The following AAK1 variants were observed in gnomAD, a reference collection of about 807,000 sequenced individuals.
The protein encoded by AAK1 is AP2-associated protein kinase 1.
Under a neutral mutation model 116.0 loss-of-function variants are expected in AAK1, and 37 were observed. The ratio of observed to expected loss-of-function variants is 0.32; its 90% CI spans 0.25 to 0.42. The LOEUF is 0.42. Ranked by LOEUF, AAK1 falls within the 10% of genes least tolerant of loss-of-function variation. The pLI, the probability that AAK1 is intolerant of heterozygous loss-of-function variation, is 1.00. For synonymous variants in AAK1, 458 were observed against 439.9 expected, an observed-to-expected ratio of 1.04 and a Z score of -0.51; for missense variants, 919 against 1,170.6, an observed-to-expected ratio of 0.79 and a Z score of 3.14.
chr2:69,528,468 T>A (rs542751254), intron 8 of AAK1, among the ~76,000 whole-genome samples: 1 of 152,198 alleles, frequency 6.6e-6, no homozygotes, highest in African/African-American at 2.4e-5. Flanking sequence ...GTGACAGTGA[T>A]GTTCATATAA....
intron 19 of AAK1, among the ~76,000 whole-genome samples, chr2:69,479,363 T>C (rs1674996183): frequency 6.6e-6 from 1 of 152,202 alleles, no homozygotes; most frequent in African/African-American, 2.4e-5. Context: ...TAGAAACATG[T>C]CTTTCTAGAT....
At position 69,466,566 on chromosome 2, in the gene AAK1, A is replaced by C; in HGVS notation, c.*9303T>G. On this transcript the variant is annotated 3_prime_UTR_variant, in exon 22 of 22. Coordinates refer to ENST00000409085, the MANE Select transcript of AAK1 (RefSeq NM_014911.5). Reference sequence around the variant, plus strand: ...CCTCTGGAGATCTAGAAAAGCATAAAATGCAGAATTAATGTGTAGGTCAAT... The same window carrying C: ...CCTCTGGAGATCTAGAAAAGCATAACATGCAGAATTAATGTGTAGGTCAAT... 1 of 1,179,630 alleles carries C rather than the reference A, an allele frequency of 8.5e-7. No individual in the cohort carries two copies. Among genetic ancestry groups the C allele is most frequent in the Non-Finnish European group, 1.1e-6 (1 of 934,728 alleles). 73.1% of individuals were successfully genotyped at this position (1,179,630 alleles called of 1,614,324 possible).
Position 69,460,976 on chromosome 2 carries a change from C to A in AAK1, c.*14893G>T, listed in dbSNP as rs1035908495. ...AGGTCACAACTTCTATGTTCCCTATCAAATGTGTAAAGCAAAAACACAACA... is the reference window on the plus strand; with the variant it reads ...AGGTCACAACTTCTATGTTCCCTATAAAATGTGTAAAGCAAAAACACAACA... On this transcript the variant is annotated 3_prime_UTR_variant, in exon 22 of 22. Coordinates refer to ENST00000409085, the MANE Select transcript of AAK1 (RefSeq NM_014911.5). The A allele has an allele frequency of 6.6e-6, 1 of 152,146 alleles. No individual in the cohort carries two copies. The highest frequency in any genetic ancestry group is 1.5e-5 in the Non-Finnish European group (1 of 68,016). 9.4% of individuals were successfully genotyped at this position (152,146 alleles called of 1,614,324 possible).
chr2:69,507,237 G>A (rs1438952885), intron 15 of AAK1, among the ~76,000 whole-genome samples, 184 bp downstream of exon 15: 1 of 152,060 alleles, frequency 6.6e-6, no homozygotes, highest in Non-Finnish European at 1.5e-5. Flanking sequence ...AGGACTTCAG[G>A]GCCCATGGTA....
intron 2 of AAK1, among the ~76,000 whole-genome samples, chr2:69,592,689 A>C (rs1293480253): frequency 1.3e-5 from 2 of 152,236 alleles, no homozygotes; most frequent in African/African-American, 4.8e-5. Flanking sequence ...AACATCAAAA[A>C]TGTTACACAA....
intron 17 of AAK1, among the ~76,000 whole-genome samples, chr2:69,483,031 G>T (rs1675155452): frequency 6.6e-6 from 1 of 152,102 alleles, no homozygotes; most frequent in Admixed American, 6.5e-5. Flanking sequence ...ACTTTGTAAG[G>T]CATTCAAGAT....
At chr2:69,482,277 G>A (rs926106240) in intron 18 of AAK1, 17 of 288,046 alleles carry the variant, frequency 5.9e-5, no homozygotes, top group African/African-American at 1.1e-4. Flanking sequence ...GCTTGAACCC[G>A]GGAGATGGAG....
intron 16 of AAK1, among the ~76,000 whole-genome samples, chr2:69,497,904 G>T (rs917866802): frequency 6.6e-6 from 1 of 152,046 alleles, no homozygotes; most frequent in Admixed American, 6.6e-5. Flanking sequence ...CAGTTGTTAC[G>T]TGGCCCTATT....
In AAK1 at chr2:69,461,315, C is replaced by G. The variant is rs576966655; in HGVS notation, c.*14554G>C. ...TGTGTTAAGTACACTCTGTGATGTTCACACAATGACAAAATCACCTAAGGA... is the reference window on the plus strand; with the variant it reads ...TGTGTTAAGTACACTCTGTGATGTTGACACAATGACAAAATCACCTAAGGA... On this transcript the variant is annotated 3_prime_UTR_variant, in exon 22 of 22. Coordinates refer to ENST00000409085, the MANE Select transcript of AAK1 (RefSeq NM_014911.5). 3.1e-5 allele frequency: 7 copies of G among 228,718 alleles called. No individual in the cohort carries two copies. Among genetic ancestry groups the G allele is most frequent in the African/African-American group, 1.7e-4 (7 of 41,940 alleles). 14.2% of individuals were successfully genotyped at this position (228,718 alleles called of 1,614,324 possible).
chr2:69,620,739 C>T (rs1171344953), intron 2 of AAK1, among the ~76,000 whole-genome samples: 1 of 152,180 alleles, frequency 6.6e-6, no homozygotes, highest in Admixed American at 6.5e-5. Flanking sequence ...TTCTCTGTCA[C>T]CTTTAAGGGC....
rs1674382012 is a variant in AAK1 at position 69,463,047 on chromosome 2, G to A, written c.*12822C>T. On this transcript the variant is annotated 3_prime_UTR_variant, in exon 22 of 22. Coordinates refer to ENST00000409085, the MANE Select transcript of AAK1 (RefSeq NM_014911.5). ...AAATAGGCAGAGACCACCAAAAAAG[G>A]ACAAAGTATTGAAAAGTAGCTGCTC... is the stretch of plus-strand genomic sequence containing the variant. The A allele has an allele frequency of 6.6e-6, 1 of 152,138 alleles. No individual in the cohort carries two copies. The highest frequency in any genetic ancestry group is 2.4e-5 in the African/African-American group (1 of 41,430). 9.4% of individuals were successfully genotyped at this position (152,138 alleles called of 1,614,324 possible).
At chr2:69,591,538 T>TTTTGTGG in intron 2 of AAK1, among the ~76,000 whole-genome samples, 2 of 148,068 alleles carry the variant, frequency 1.4e-5, no homozygotes, top group East Asian at 2.0e-4. Context: ...TTTTTTTTTT[T>TTTTGTGG]GAGAGGGAGT....
intron 8 of AAK1, among the ~76,000 whole-genome samples, chr2:69,527,891 G>C (rs1486568964): frequency 6.6e-6 from 1 of 152,230 alleles, no homozygotes; most frequent in African/African-American, 2.4e-5. Context: ...AAAATCCTCA[G>C]GGGGAAAAAA....
intron 2 of AAK1, among the ~76,000 whole-genome samples, chr2:69,575,870 C>A (rs1346615250): frequency 6.6e-6 from 1 of 152,112 alleles, no homozygotes; most frequent in Non-Finnish European, 1.5e-5. Context: ...AGTTACTGAT[C>A]CTGTCTTTAT....
intron 3 of AAK1, among the ~76,000 whole-genome samples, chr2:69,549,754 C>G (rs1300564814): frequency 6.6e-6 from 1 of 152,148 alleles, no homozygotes; most frequent in African/African-American, 2.4e-5. Context: ...TCTCTGCCTC[C>G]CAAGAACTAT....
In AAK1 at chr2:69,643,183, G is replaced by T; in HGVS notation, c.-143C>A. ...GCCACCCGAATCCGGCCGTGGGGGT[G>T]GGGGCTGAGGGAGGATGCCTATAGG... On this transcript the variant is annotated 5_prime_UTR_variant, in exon 2 of 22. Transcript: ENST00000409085. The T allele has an allele frequency of 2.1e-6, 3 of 1,433,878 alleles. No individual in the cohort carries two copies. The highest frequency in any genetic ancestry group is 2.7e-6 in the Non-Finnish European group (3 of 1,102,938). 88.8% of individuals were successfully genotyped at this position (1,433,878 alleles called of 1,614,324 possible).
chr2:69,560,184 GTCACTA>G (rs1671574309), intron 2 of AAK1, among the ~76,000 whole-genome samples: 1 of 152,192 alleles, frequency 6.6e-6, no homozygotes, highest in South Asian at 2.1e-4. Flanking sequence ...AAAGATGTTG[GTCACTA>G]TCACTGTGTA....
At position 69,461,080 on chromosome 2, in the gene AAK1, A is replaced by G. The variant is rs1178282822; in HGVS notation, c.*14789T>C. On this transcript the variant is annotated 3_prime_UTR_variant, in exon 22 of 22. Transcript: ENST00000409085. The stretch of plus-strand genomic sequence containing the variant: ...ATAAAAACGATTCCATCAATGATGG[A>G]CCACATATACCATGATGGTCCCATA... The G allele has an allele frequency of 6.6e-6, 1 of 152,234 alleles. No individual in the cohort carries two copies. 9.4% of individuals were successfully genotyped at this position (152,234 alleles called of 1,614,324 possible). A position where few individuals can be genotyped will look rare whatever the true frequency, so the allele number is the denominator to read the frequency against.
Position 69,462,908 on chromosome 2 carries a change from A to C in AAK1, c.*12961T>G, listed in dbSNP as rs897091735. On this transcript the variant is annotated 3_prime_UTR_variant, in exon 22 of 22. Coordinates refer to ENST00000409085, the MANE Select transcript of AAK1 (RefSeq NM_014911.5). The stretch of plus-strand genomic sequence containing the variant: ...TGGGAAAAAGCATATTCTTAGAATA[A>C]CATTTAGCATCCACCAAAGTGAAGG... The C allele has an allele frequency of 6.6e-6, 1 of 152,266 alleles. No individual in the cohort carries two copies. The highest frequency in any genetic ancestry group is 1.5e-5 in the Non-Finnish European group (1 of 68,048). The allele number at this position is 152,266 out of a possible 1,614,324, so 9.4% of individuals were successfully genotyped here.
Sources: allele counts gnomAD v4.1 joint callset (sites outside exome capture counted in the v4.1 genomes callset), GRCh38; gene constraint gnomAD v4.1.1; transcripts MANE v1.5; gene names NCBI Gene and HGNC (gene_info 2026-07-23, HGNC 2026-07-21).